Variants in RANBP2 observed in about 807,000 individuals in gnomAD.
RANBP2 encodes RAN binding protein 2, also known as E3 SUMO-protein ligase RanBP2.
RANBP2 carries 57 observed loss-of-function variants against 303.6 expected under a neutral mutation model. The ratio of observed to expected loss-of-function variants is 0.19; its 90% confidence interval spans 0.15 to 0.23. RANBP2 has a LOEUF of 0.23. Ranked by LOEUF, RANBP2 falls within the 10% of genes least tolerant of loss-of-function variation. The probability of loss-of-function intolerance (pLI) is 1.00; values close to 1 mark genes in which losing one functional copy is unlikely to be tolerated. For missense variants in RANBP2, 3,138 were observed against 3,780.8 expected, an observed-to-expected ratio of 0.83 and a Z score of 4.46; for synonymous variants, 1,167 against 1,301.5, an observed-to-expected ratio of 0.90 and a Z score of 2.23.
At chr2:109,646,657 A>ATTTTT in the RANBP2 span, among the ~76,000 whole-genome samples, 1 of 119,012 alleles carries the variant, frequency 8.4e-6, no homozygotes, top group East Asian at 2.5e-4. Flanking sequence ...ATGACTGGCT[A>ATTTTT]TTTTTTTTTT....
chr2:108,893,484 C>G, the RANBP2 span, among the ~76,000 whole-genome samples: 1 of 151,430 alleles, frequency 6.6e-6, no homozygotes, highest in Admixed American at 6.6e-5. Context: ...TATCCTGGCA[C>G]GAAGGAATAA....
the RANBP2 span, among the ~76,000 whole-genome samples, chr2:109,250,562 A>G: frequency 6.6e-6 from 1 of 152,140 alleles, no homozygotes; most frequent in East Asian, 1.9e-4. Context: ...TTTTCAAAAC[A>G]TGATAAATAC....
At chr2:109,281,871 C>T in the RANBP2 span, among the ~76,000 whole-genome samples, 28 of 152,250 alleles carry the variant, frequency 1.8e-4, no homozygotes, top group East Asian at 2.7e-3. Context: ...CTAGAGCTGA[C>T]GGTTCCCACT....
chr2:109,258,165 A>G, the RANBP2 span, among the ~76,000 whole-genome samples: 14 of 152,306 alleles, frequency 9.2e-5, no homozygotes, highest in African/African-American at 2.9e-4. Flanking sequence ...TACCCCATCA[A>G]CGAGGCTTAC....
the RANBP2 span, among the ~76,000 whole-genome samples, chr2:108,870,498 T>C: frequency 2.0e-5 from 3 of 152,034 alleles, no homozygotes; most frequent in Non-Finnish European, 4.4e-5. Context: ...GCTCTACAAA[T>C]CAAAGAAACT....
the RANBP2 span, among the ~76,000 whole-genome samples, chr2:109,352,750 C>A: frequency 2.0e-5 from 3 of 152,298 alleles, no homozygotes; most frequent in Admixed American, 6.5e-5. Context: ...CCTCTGTGCA[C>A]AATGATGCCT....
At chr2:109,433,915 G>A in the RANBP2 span, among the ~76,000 whole-genome samples, 17 of 152,356 alleles carry the variant, frequency 1.1e-4, no homozygotes, top group African/African-American at 4.1e-4. Context: ...TGGTCAGAGG[G>A]GTGGCTACTT....
chr2:109,717,446 G>T, the RANBP2 span, among the ~76,000 whole-genome samples: 1 of 152,082 alleles, frequency 6.6e-6, no homozygotes, highest in African/African-American at 2.4e-5. Flanking sequence ...GCTGGGCATG[G>T]CGGTGGACGC....
At chr2:109,453,847 G>C in the RANBP2 span, among the ~76,000 whole-genome samples, 3 of 152,192 alleles carry the variant, frequency 2.0e-5, no homozygotes, top group Non-Finnish European at 2.9e-5. Flanking sequence ...GAGACTTCCC[G>C]GGGCACAGAT....
chr2:109,160,697 G>C, the RANBP2 span, among the ~76,000 whole-genome samples: 1 of 152,186 alleles, frequency 6.6e-6, no homozygotes, highest in Non-Finnish European at 1.5e-5. Flanking sequence ...CTGACTGCAG[G>C]GGCTGTGCTC....
chr2:108,912,575 A>C, the RANBP2 span: 5 of 1,092,914 alleles, frequency 4.6e-6, no homozygotes, highest in Non-Finnish European at 5.4e-6. Context: ...CAGGTGGGGA[A>C]GCGCACCATA....
At chr2:108,933,670 G>A in the RANBP2 span, among the ~76,000 whole-genome samples, 1 of 152,192 alleles carries the variant, frequency 6.6e-6, no homozygotes, top group Admixed American at 6.5e-5. Flanking sequence ...AACACTAAAT[G>A]GACTGAGGCA....
chr2:109,120,121 C>G, the RANBP2 span, among the ~76,000 whole-genome samples: 3 of 152,254 alleles, frequency 2.0e-5, no homozygotes, highest in African/African-American at 7.2e-5. Context: ...AGAGTGGGAA[C>G]TTCAGGATGT....
the RANBP2 span, among the ~76,000 whole-genome samples, chr2:109,010,856 G>T: frequency 2.0e-5 from 3 of 152,298 alleles, no homozygotes; most frequent in East Asian, 3.9e-4. Flanking sequence ...TATGGAGGAG[G>T]CTCAGCAGCA....
chr2:109,544,926 CA>C, the RANBP2 span: 1 of 979,616 alleles, frequency 1.0e-6, no homozygotes, highest in Non-Finnish European at 1.2e-6. Context: ...TCCTCTTTTC[CA>C]AAAAAACAAA....
intron 23 of RANBP2, among the ~76,000 whole-genome samples, chr2:108,774,753 T>A (rs965635620): frequency 6.6e-6 from 1 of 151,364 alleles, no homozygotes; most frequent in Non-Finnish European, 1.5e-5. Flanking sequence ...TCTCCCAGGC[T>A]GGAGTGCAGT....
chr2:109,067,155 C>T, the RANBP2 span, among the ~76,000 whole-genome samples: 1 of 151,886 alleles, frequency 6.6e-6, no homozygotes, highest in African/African-American at 2.4e-5. Flanking sequence ...CCTGGGTCGG[C>T]TTGTTCAGCG....
the RANBP2 span, among the ~76,000 whole-genome samples, chr2:109,471,686 C>G: frequency 6.6e-6 from 1 of 152,192 alleles, no homozygotes; most frequent in African/African-American, 2.4e-5. Flanking sequence ...GGGGCGGGGT[C>G]TAAGTCTCTT....
At chr2:109,736,905 G>A in the RANBP2 span, among the ~76,000 whole-genome samples, 2 of 151,676 alleles carry the variant, frequency 1.3e-5, no homozygotes, top group African/African-American at 4.8e-5. Context: ...TGTCAGTTCC[G>A]TCAAGTCACC....
Sources: gnomAD v4.1 joint callset for allele counts (sites outside exome capture counted in the v4.1 genomes callset) on GRCh38, gnomAD v4.1.1 for gene constraint, MANE v1.5 for transcripts, NCBI Gene and HGNC (gene_info 2026-07-23, HGNC 2026-07-21) for gene names.